Variants in SLC35F3 observed in about 807,000 individuals in gnomAD.
The protein encoded by SLC35F3 is putative thiamine transporter SLC35F3.
A neutral mutation model predicts 49.9 loss-of-function variants in SLC35F3; 25 were observed. The observed-to-expected ratio is 0.50, with a 90% CI of 0.37 to 0.70. SLC35F3 has a LOEUF of 0.70. Ranked by LOEUF, SLC35F3 falls within the 30% of genes least tolerant of loss-of-function variation. The pLI, the probability that SLC35F3 is intolerant of heterozygous loss-of-function variation, is 0.00. For synonymous variants in SLC35F3, 275 were observed against 265.4 expected (o/e 1.04, Z -0.35); for missense variants, 525 against 639.8 (o/e 0.82, Z 1.94).
rs1168028770 is a variant in SLC35F3 at position 234,136,311 on chromosome 1, T to A, written c.284-95106T>A. Among the ~76,000 whole-genome samples, 3 of 145,210 alleles carry A rather than the reference T, an allele frequency of 2.1e-5. No homozygotes were observed. The East Asian group carries it at 5.8e-4, about 28-fold the overall frequency. ...TCTTTATTTTTCTTTCTCCTTTCTC[T>A]CTTTCTTTTTCCTTCCTTCCCTCTT... On this transcript the variant is annotated intron_variant, in intron 2 of 7. Transcript: ENST00000366618.
intron 3 of SLC35F3, among the ~76,000 whole-genome samples, chr1:234,308,453 T>A (rs555884271): frequency 7.6e-4 from 116 of 152,324 alleles, no homozygotes; most frequent in African/African-American, 2.7e-3. Context: ...ATGAGATTTT[T>A]TTTTTTGCGA....
intron 2 of SLC35F3, among the ~76,000 whole-genome samples, chr1:234,116,573 G>A (rs998023336): frequency 1.7e-4 from 26 of 150,688 alleles, no homozygotes; most frequent in Admixed American, 1.3e-4. Flanking sequence ...GTGCAATGGC[G>A]CAATCTCAGC....
At chr1:234,064,587 C>T (rs1009593737) in intron 2 of SLC35F3, among the ~76,000 whole-genome samples, 7 of 152,162 alleles carry the variant, frequency 4.6e-5, no homozygotes, top group African/African-American at 1.7e-4. Context: ...GACACAATCA[C>T]ATGCAATCTC....
chr1:234,171,152 C>T (rs1666395044), intron 2 of SLC35F3, among the ~76,000 whole-genome samples: 1 of 152,224 alleles, frequency 6.6e-6, no homozygotes, highest in South Asian at 2.1e-4. Context: ...TCCCAGGCCC[C>T]ATTCCAGAAC....
chr1:234,231,851 C>A lies in SLC35F3; in HGVS notation c.608+110C>A. 1 of 1,062,912 alleles carries A rather than the reference C, an allele frequency of 9.4e-7. No individual in the cohort carries two copies. The highest frequency in any genetic ancestry group is 1.4e-6 in the Non-Finnish European group (1 of 723,024). The allele number at this position is 1,062,912 out of a possible 1,614,324, so 65.8% of individuals were successfully genotyped here. On this transcript the variant is annotated intron_variant, in intron 3 of 7. Transcript: ENST00000366618. This position sits in a 1 kb window ranked among gnomAD's most constrained non-coding sequence, Gnocchi z 5.4. Reference sequence around the variant, plus strand: ...GCGCTGGGATGAGCCGGTGGGAGCCCGTGGAGAGATGTTGCAGTGAATGCA... The same window carrying A: ...GCGCTGGGATGAGCCGGTGGGAGCCAGTGGAGAGATGTTGCAGTGAATGCA...
chr1:234,199,797 GA>G (rs1365878465), intron 2 of SLC35F3, among the ~76,000 whole-genome samples: 3 of 152,074 alleles, frequency 2.0e-5, no homozygotes, highest in Non-Finnish European at 4.4e-5. Flanking sequence ...TCAATAGCAA[GA>G]AAACAAATAA....
chr1:233,917,950 TGAGTTGATCCTG>T (rs1478676500), intron 2 of SLC35F3, among the ~76,000 whole-genome samples: 1 of 152,238 alleles, frequency 6.6e-6, no homozygotes, highest in Non-Finnish European at 1.5e-5. Flanking sequence ...CTTCCGTGCT[TGAGTTGATCCTG>T]GAATCCCTTT....
rs186825658 is a variant in SLC35F3, at chr1:233,933,135, C to T, written c.283+27377C>T. On this transcript the variant is annotated intron_variant, in intron 2 of 7. Transcript: ENST00000366618. ...ATTATTTTACTACTTATTTGTTTTC[C>T]CCCAAAAGATGACAAAGGAGGCAGA... Among the ~76,000 whole-genome samples, 315 of 151,492 alleles carry T rather than the reference C, an allele frequency of 2.1e-3. 3 individuals carry two copies. Among genetic ancestry groups the T allele is most frequent in the African/African-American group, 6.9e-3 (285 of 41,330 alleles).
chr1:233,941,808 T>C (rs1298050867), intron 2 of SLC35F3, among the ~76,000 whole-genome samples: 1 of 152,078 alleles, frequency 6.6e-6, no homozygotes, highest in Non-Finnish European at 1.5e-5. Context: ...TGAGATATGG[T>C]TCATATACAG....
chr1:233,980,186 A>C (rs1663158178), intron 2 of SLC35F3, among the ~76,000 whole-genome samples: 1 of 152,242 alleles, frequency 6.6e-6, no homozygotes, highest in Non-Finnish European at 1.5e-5. Flanking sequence ...TGGTGTTGGG[A>C]AGAATGAGAA....
intron 2 of SLC35F3, among the ~76,000 whole-genome samples, chr1:234,125,388 C>T (rs944928198): frequency 1.3e-5 from 2 of 152,164 alleles, no homozygotes; most frequent in Admixed American, 6.6e-5. Context: ...CCCGGGCTGA[C>T]GGATCATCCC....
chr1:234,253,282 C>T (rs541801843), intron 3 of SLC35F3, among the ~76,000 whole-genome samples: 6 of 151,766 alleles, frequency 4.0e-5, no homozygotes, highest in African/African-American at 1.2e-4. Context: ...GCCAAAATGG[C>T]GCCACCGCAC....
intron 2 of SLC35F3, among the ~76,000 whole-genome samples, chr1:234,060,025 T>C (rs1664517390): frequency 6.6e-6 from 1 of 152,230 alleles, no homozygotes; most frequent in Non-Finnish European, 1.5e-5. Context: ...ATTGCATCCT[T>C]CAATCTAATC....
At position 233,956,044 on chromosome 1, in the gene SLC35F3, C is replaced by T. The variant is rs946993125; in HGVS notation, c.283+50286C>T. The stretch of plus-strand genomic sequence containing the variant: ...CTGGCATTATAGGCATGCGCCACCA[C>T]GCCTGGCTAATTTTTGTATGTTTAG... On this transcript the variant is annotated intron_variant, in intron 2 of 7. Transcript: ENST00000366618. 1.2e-4 allele frequency among the ~76,000 whole-genome samples: 18 copies of T among 151,936 alleles called. No individual in the cohort carries two copies. In the South Asian group the frequency reaches 1.3e-3, roughly 11 times the overall value.
intron 3 of SLC35F3, among the ~76,000 whole-genome samples, chr1:234,270,896 T>C (rs1668089328): frequency 6.6e-6 from 1 of 152,244 alleles, no homozygotes; most frequent in African/African-American, 2.4e-5. Context: ...GAAGTTGTCC[T>C]CATCATGCTT....
chr1:234,263,420 T>A (rs758350260), intron 3 of SLC35F3, among the ~76,000 whole-genome samples: 2 of 152,210 alleles, frequency 1.3e-5, no homozygotes, highest in Non-Finnish European at 2.9e-5. Context: ...ACCTCCCTTG[T>A]GAAATCTTAG....
chr1:234,110,595 C>T (rs958644930), intron 2 of SLC35F3, among the ~76,000 whole-genome samples: 1 of 152,166 alleles, frequency 6.6e-6, no homozygotes, highest in Non-Finnish European at 1.5e-5. Flanking sequence ...ACAATACAGC[C>T]AATCTTTTTA....
At chr1:234,219,663 C>T (rs557039017) in intron 2 of SLC35F3, among the ~76,000 whole-genome samples, 54 of 152,302 alleles carry the variant, frequency 3.5e-4, no homozygotes, top group African/African-American at 1.3e-3. Context: ...ATGGCCCCTG[C>T]GCAGCACTCT....
chr1:234,013,222 C>T (rs1450365448), intron 2 of SLC35F3, among the ~76,000 whole-genome samples: 2 of 152,016 alleles, frequency 1.3e-5, no homozygotes, highest in African/African-American at 4.8e-5. Flanking sequence ...AAACAACATG[C>T]TCGTGAACAA....
Sources: gnomAD v4.1 joint callset for allele counts (sites outside exome capture counted in the v4.1 genomes callset) on GRCh38, gnomAD v4.1.1 for gene constraint, Gnocchi (gnomAD v3.1) non-coding constraint, MANE v1.5 for transcripts, NCBI Gene and HGNC (gene_info 2026-07-23, HGNC 2026-07-21) for gene names.